The following MLLT3 variants were observed in gnomAD, a reference collection of about 807,000 sequenced individuals.
The protein encoded by MLLT3 is protein AF-9.
Under a neutral mutation model 53.2 loss-of-function variants are expected in MLLT3, and 4 were observed. That is an observed-to-expected ratio of 0.08 (90% CI 0.04 to 0.17). The LOEUF is 0.17. Among genes scored for constraint, MLLT3 ranks in the 10% least tolerant of loss-of-function variants. MLLT3 has a pLI of 1.00. For synonymous variants in MLLT3, 283 were observed against 230.6 expected, an observed-to-expected ratio of 1.23 and a Z score of -2.06; for missense variants, 569 against 684.0, an observed-to-expected ratio of 0.83 and a Z score of 1.87.
chr9:20,363,686 C>A, intron 6 of MLLT3, 81 bp from the exon 7 acceptor site: 7 of 1,378,504 alleles, frequency 5.1e-6, no homozygotes, highest in Non-Finnish European at 4.0e-6. Flanking sequence ...GGGATGCTTA[C>A]CAGCACTGAA....
chr9:20,399,984 T>C (rs1036984025), intron 5 of MLLT3, among the ~76,000 whole-genome samples: 9 of 151,950 alleles, frequency 5.9e-5, no homozygotes, highest in African/African-American at 2.2e-4. Flanking sequence ...TATCAGCATT[T>C]CACAATCCCT....
chr9:20,423,810 A>G (rs551061623), intron 4 of MLLT3, among the ~76,000 whole-genome samples: 24 of 151,752 alleles, frequency 1.6e-4, no homozygotes, highest in African/African-American at 5.8e-4. Context: ...AAAAAAAACT[A>G]GCTGAGTGTG....
intron 2 of MLLT3, among the ~76,000 whole-genome samples, chr9:20,526,443 G>A (rs1237508488): frequency 6.6e-6 from 1 of 152,152 alleles, no homozygotes. Flanking sequence ...ACATGCTTAT[G>A]TGTATTGCTT....
intron 2 of MLLT3, among the ~76,000 whole-genome samples, chr9:20,517,811 C>G (rs1351032544): frequency 1.3e-5 from 2 of 151,544 alleles, no homozygotes; most frequent in Non-Finnish European, 2.9e-5. Flanking sequence ...GCATTGCAGC[C>G]TGGGAGACAA....
chr9:20,376,960 T>C (rs1023987297), intron 5 of MLLT3, among the ~76,000 whole-genome samples: 2 of 152,240 alleles, frequency 1.3e-5, no homozygotes, highest in African/African-American at 4.8e-5. Flanking sequence ...TGTACAGAAG[T>C]TGAATTTCAC....
intron 2 of MLLT3, among the ~76,000 whole-genome samples, chr9:20,460,753 AGTT>A (rs1267362981): frequency 1.3e-5 from 2 of 152,216 alleles, no homozygotes; most frequent in Non-Finnish European, 2.9e-5. Context: ...CTGCCAAAGA[AGTT>A]GTTTTTCCAA....
At chr9:20,531,834 T>G (rs1162347769) in intron 2 of MLLT3, among the ~76,000 whole-genome samples, 6 of 152,102 alleles carry the variant, frequency 3.9e-5, no homozygotes, top group Non-Finnish European at 5.9e-5. Flanking sequence ...CAAGAAAGCC[T>G]CTCAATATTA....
chr9:20,475,243 C>T lies in MLLT3; in HGVS notation c.194-18457G>A, dbSNP rs145367855. Among the ~76,000 whole-genome samples the T allele has an allele frequency of 5.9e-5, 9 of 152,136 alleles. No homozygotes were observed. In the South Asian group the frequency reaches 8.3e-4, roughly 14 times the overall value. ...GAAATGTCAGCCACTTGACTGTTAA[C>T]GACTGTGCTTTCTGCAGTAAATTTC... On this transcript the variant is annotated intron_variant, in intron 2 of 10. Coordinates refer to ENST00000380338, the MANE Select transcript of MLLT3 (RefSeq NM_004529.4).
At position 20,606,662 on chromosome 9, in the gene MLLT3, C is replaced by A. The variant is rs78433574; in HGVS notation, c.193+13992G>T. ...TCTTTCAATGCCTTAAACAGTTGAT[C>A]CAATAAAGATCCTTTAGAGAAAACT... On this transcript the variant is annotated intron_variant, in intron 2 of 10. Transcript: ENST00000380338. Among the ~76,000 whole-genome samples the A allele has an allele frequency of 2.8e-4, 43 of 152,118 alleles. No individual in the cohort carries two copies. In the East Asian group the frequency reaches 4.6e-3, roughly 16 times the overall value.
rs371971019 is a variant in MLLT3 at position 20,414,549 on chromosome 9, T to C, written c.421-124A>G. ...AGCTATCATTAAAATACCAAAAATA[T>C]TTTAATATAAACCAAAAACCACAAT... On this transcript the variant is annotated intron_variant, in intron 4 of 10. Coordinates refer to ENST00000380338, the MANE Select transcript of MLLT3 (RefSeq NM_004529.4). 1.9e-5 allele frequency: 27 copies of C among 1,450,718 alleles called. No individual in the cohort carries two copies. The Admixed American group carries it at 2.1e-4, about 11-fold the overall frequency. The allele number at this position is 1,450,718 out of a possible 1,614,324, so 89.9% of individuals were successfully genotyped here.
At chr9:20,439,255 C>A (rs562184268) in intron 4 of MLLT3, among the ~76,000 whole-genome samples, 8 of 152,200 alleles carry the variant, frequency 5.3e-5, no homozygotes, top group Non-Finnish European at 7.4e-5. Context: ...ACTCAGGAGA[C>A]TGAGGCAGGA....
chr9:20,616,519 T>A (rs543689442), intron 2 of MLLT3, among the ~76,000 whole-genome samples: 10 of 152,258 alleles, frequency 6.6e-5, no homozygotes, highest in Admixed American at 6.5e-4. Context: ...AAAAATAACC[T>A]CCCATCACCA....
At chr9:20,546,920 C>T (rs1326939804) in intron 2 of MLLT3, among the ~76,000 whole-genome samples, 1 of 152,138 alleles carries the variant, frequency 6.6e-6, no homozygotes, top group Non-Finnish European at 1.5e-5. Context: ...GTTCTTCTGC[C>T]CAGCCTGCTG....
At chr9:20,617,646 A>C (rs1407307008) in intron 2 of MLLT3, among the ~76,000 whole-genome samples, 1 of 152,136 alleles carries the variant, frequency 6.6e-6, no homozygotes, top group Non-Finnish European at 1.5e-5. Flanking sequence ...AATAAATAAG[A>C]TATTGTCTTT....
At chr9:20,583,198 G>T (rs895476339) in intron 2 of MLLT3, among the ~76,000 whole-genome samples, 1 of 152,090 alleles carries the variant, frequency 6.6e-6, no homozygotes, top group African/African-American at 2.4e-5. Context: ...GCTCCAAAAT[G>T]ATCTCCTTTG....
chr9:20,346,775 C>T (rs1820881489), intron 10 of MLLT3, among the ~76,000 whole-genome samples: 1 of 152,054 alleles, frequency 6.6e-6, no homozygotes, highest in African/African-American at 2.4e-5. Context: ...TAGAAATTCC[C>T]AGTGAGAACC....
rs1822971348 is a variant in MLLT3 at position 20,420,108 on chromosome 9, C to T, written c.421-5683G>A. On this transcript the variant is annotated intron_variant, in intron 4 of 10. Coordinates refer to ENST00000380338, the MANE Select transcript of MLLT3 (RefSeq NM_004529.4). Reference sequence around the variant, plus strand: ...ATGAGCAATTAGAAAGGAAGGTGGTCATTTATTAAATGGAAAAGTGCAGAA... The same window carrying T: ...ATGAGCAATTAGAAAGGAAGGTGGTTATTTATTAAATGGAAAAGTGCAGAA... Among the ~76,000 whole-genome samples, 6 of 151,826 alleles carry T rather than the reference C, an allele frequency of 4.0e-5. No individual in the cohort carries two copies. The South Asian group carries it at 1.3e-3, about 32-fold the overall frequency.
intron 2 of MLLT3, among the ~76,000 whole-genome samples, chr9:20,599,577 T>G (rs140659199): frequency 3.3e-5 from 5 of 152,224 alleles, no homozygotes; most frequent in African/African-American, 1.2e-4. Flanking sequence ...ATCCTTCTCA[T>G]TAGACCAACC....
At position 20,593,893 on chromosome 9, in the gene MLLT3, G is replaced by A. The variant is rs139111774; in HGVS notation, c.193+26761C>T. 6.0e-5 allele frequency among the ~76,000 whole-genome samples: 9 copies of A among 150,898 alleles called. No homozygotes were observed. In the East Asian group the frequency reaches 1.8e-3, roughly 29 times the overall value. ...CTTTACTCTTGTAGAATACATTGTT[G>A]TTGTACTCCATGTGTAGGAATGCAG... On this transcript the variant is annotated intron_variant, in intron 2 of 10. Transcript: ENST00000380338.
Sources: gnomAD v4.1 joint callset for allele counts (sites outside exome capture counted in the v4.1 genomes callset) on GRCh38, gnomAD v4.1.1 for gene constraint, MANE v1.5 for transcripts, NCBI Gene and HGNC (gene_info 2026-07-23, HGNC 2026-07-21) for gene names.